FXYD4: variants seen among roughly 807,000 people sequenced by gnomAD.
The protein encoded by FXYD4 is FXYD domain-containing ion transport regulator 4.
Under a neutral mutation model 18.3 loss-of-function variants are expected in FXYD4, and 14 were observed. The ratio of observed to expected loss-of-function variants is 0.77; its 90% CI spans 0.51 to 1.20. The LOEUF (loss-of-function observed/expected upper bound fraction) is 1.20, where lower values mean the gene tolerates loss of function less well. Among genes scored for constraint, FXYD4 ranks in the 50% most tolerant of loss-of-function variants. FXYD4 has a pLI of 0.00. For missense variants in FXYD4, 99 were observed against 106.1 expected, an observed-to-expected ratio of 0.93 and a Z score of 0.29; for synonymous variants, 40 against 40.5, an observed-to-expected ratio of 0.99 and a Z score of 0.04.
intron 3 of FXYD4, among the ~76,000 whole-genome samples, 175 bp downstream of exon 3, chr10:43,373,958 C>CA (rs1244479955): frequency 6.6e-6 from 1 of 152,190 alleles, no homozygotes; most frequent in Admixed American, 6.5e-5. Flanking sequence ...GAGAATATTG[C>CA]AAAAAGGTCC....
intron 3 of FXYD4, among the ~76,000 whole-genome samples, chr10:43,374,159 T>C (rs1023151000): frequency 3.3e-5 from 5 of 152,048 alleles, no homozygotes; most frequent in African/African-American, 9.7e-5. Flanking sequence ...GATTGCACCA[T>C]TGCACTCCAG....
intron 5 of FXYD4, among the ~76,000 whole-genome samples, chr10:43,375,151 C>T (rs938060293): frequency 1.1e-4 from 17 of 151,132 alleles, no homozygotes; most frequent in Non-Finnish European, 1.6e-4. Flanking sequence ...CTCAGCCTCT[C>T]GAGTAGCTGG....
intron 5 of FXYD4, 48 bp from the exon 6 acceptor site, chr10:43,375,451 G>C (rs768140608): frequency 7.0e-7 from 1 of 1,434,712 alleles, no homozygotes; most frequent in Non-Finnish European, 9.8e-7. Flanking sequence ...TTGAATGAAT[G>C]ACTGAGGCCC....
chr10:43,375,487 T>C lies in FXYD4; in HGVS notation c.98-12T>C. The C allele has an allele frequency of 6.2e-6, 10 of 1,610,506 alleles. No individual in the cohort carries two copies. Among genetic ancestry groups the C allele is most frequent in the Non-Finnish European group, 8.5e-6 (10 of 1,176,806 alleles). ...CAGGCTGGTGCAAGCTCACTCTCTGTACCCACCCCAGACTGGAAAAACCTG... is the reference window on the plus strand; with the variant it reads ...CAGGCTGGTGCAAGCTCACTCTCTGCACCCACCCCAGACTGGAAAAACCTG... On this transcript the variant is annotated splice_polypyrimidine_tract_variant and intron_variant, in intron 5 of 8. Coordinates refer to ENST00000476166, the MANE Select transcript of FXYD4 (RefSeq NM_173160.3).
At position 43,376,187 on chromosome 10, in the gene FXYD4, G is replaced by T; in HGVS notation, c.*21G>T. The T allele has an allele frequency of 1.2e-6, 2 of 1,612,996 alleles. No homozygotes were observed. The highest frequency in any genetic ancestry group is 1.7e-6 in the Non-Finnish European group (2 of 1,179,838). On this transcript the variant is annotated 3_prime_UTR_variant, in exon 9 of 9. Transcript: ENST00000476166. Reference sequence around the variant, plus strand: ...GCTGAGCACAGGACTGGCCTCCAGGGATGGCCTGAAGCCTAACACTGGCCC... The same window carrying T: ...GCTGAGCACAGGACTGGCCTCCAGGTATGGCCTGAAGCCTAACACTGGCCC...
At chr10:43,375,651 C>G (rs766761467) in intron 6 of FXYD4, 44 bp from the exon 7 acceptor site, 1 of 1,609,278 alleles carries the variant, frequency 6.2e-7, no homozygotes, top group Non-Finnish European at 8.5e-7. Flanking sequence ...AGAGTGCTCT[C>G]ATTCCAGCAC....
intron 5 of FXYD4, among the ~76,000 whole-genome samples, chr10:43,375,021 C>CT (rs964746350): frequency 0.046 from 4,310 of 93,568 alleles, 258 homozygotes; most frequent in African/African-American, 0.087. Flanking sequence ...ATGTCCACTT[C>CT]TTTTTTTTTT....
At chr10:43,375,639 A>T in intron 6 of FXYD4, 56 bp from the exon 7 acceptor site, 1 of 1,609,798 alleles carries the variant, frequency 6.2e-7, no homozygotes, top group Non-Finnish European at 8.5e-7. Flanking sequence ...GGGCAGAAAG[A>T]GAGAGTGCTC....
In FXYD4 at chr10:43,376,194, T is replaced by G. The variant is rs748379825; in HGVS notation, c.*28T>G. On this transcript the variant is annotated 3_prime_UTR_variant, in exon 9 of 9. Transcript: ENST00000476166. The stretch of plus-strand genomic sequence containing the variant: ...ACAGGACTGGCCTCCAGGGATGGCC[T>G]GAAGCCTAACACTGGCCCCCAGCAC... 1 of 1,612,276 alleles carries G rather than the reference T, an allele frequency of 6.2e-7. No individual in the cohort carries two copies. Among genetic ancestry groups the G allele is most frequent in the Admixed American group, 1.7e-5 (1 of 60,004 alleles).
intron 5 of FXYD4, among the ~76,000 whole-genome samples, chr10:43,375,137 C>T (rs1837854393): frequency 6.6e-6 from 1 of 150,956 alleles, no homozygotes; most frequent in East Asian, 2.0e-4. Context: ...AGCAATTCTC[C>T]TGTCTCAGCC....
Position 43,375,582 on chromosome 10 carries a change from C to A in FXYD4, c.172+9C>A. The A allele has an allele frequency of 1.9e-6, 3 of 1,612,466 alleles. No homozygotes were observed. Among genetic ancestry groups the A allele is most frequent in the Admixed American group, 1.7e-5 (1 of 60,002 alleles). ...GATCGCGGCAGTTCTGAGTGAGTGG[C>A]AGGACAGGTGGGGCTGGAGGACAGG... On this transcript the variant is annotated intron_variant, in intron 6 of 8. Coordinates refer to ENST00000476166, the MANE Select transcript of FXYD4 (RefSeq NM_173160.3).
intron 3 of FXYD4, among the ~76,000 whole-genome samples, 155 bp from the exon 4 acceptor site, chr10:43,374,315 C>T (rs577210975): frequency 6.6e-6 from 1 of 152,200 alleles, no homozygotes; most frequent in Non-Finnish European, 1.5e-5. Flanking sequence ...GGCGGGGCCA[C>T]ACCCTGAGGC....
chr10:43,375,968 G>A, intron 7 of FXYD4, 64 bp from the exon 8 acceptor site: 1 of 1,550,768 alleles, frequency 6.4e-7, no homozygotes, highest in Non-Finnish European at 8.9e-7. Flanking sequence ...GCAAGAGTCT[G>A]GGATATAGGG....
intron 7 of FXYD4, 54 bp from the exon 8 acceptor site, chr10:43,375,978 G>A (rs946226857): frequency 6.3e-7 from 1 of 1,582,818 alleles, no homozygotes; most frequent in Non-Finnish European, 8.7e-7. Flanking sequence ...GGGATATAGG[G>A]GAGAAGGTCC....
intron 6 of FXYD4, 39 bp downstream of exon 6, chr10:43,375,612 G>A (rs1284596845): frequency 6.2e-7 from 1 of 1,608,868 alleles, no homozygotes; most frequent in African/African-American, 1.3e-5. Context: ...GACAGGGTGG[G>A]GCTGGCGGAC....
At position 43,376,242 on chromosome 10, in the gene FXYD4, CCTCAAGGAAGGA is replaced by C; in HGVS notation, c.*79_*90del. ...CACCTCCTCCCCTGGGAGGCCTTAT[CCTCAAGGAAGGA>C]CTTCTCTCCAAGGGCAGGCTGTTAG... On this transcript the variant is annotated 3_prime_UTR_variant, in exon 9 of 9. Coordinates refer to ENST00000476166, the MANE Select transcript of FXYD4 (RefSeq NM_173160.3). 6.5e-7 allele frequency: 1 copy of C among 1,526,998 alleles called. No individual in the cohort carries two copies. The highest frequency in any genetic ancestry group is 9.1e-7 in the Non-Finnish European group (1 of 1,104,038). 94.6% of individuals were successfully genotyped at this position (1,526,998 alleles called of 1,614,324 possible). A position where few individuals can be genotyped will look rare whatever the true frequency, so the allele number is the denominator to read the frequency against.
In FXYD4 at chr10:43,376,248, G is replaced by T; in HGVS notation, c.*82G>T. On this transcript the variant is annotated 3_prime_UTR_variant, in exon 9 of 9. Coordinates refer to ENST00000476166, the MANE Select transcript of FXYD4 (RefSeq NM_173160.3). ...CTCCCCTGGGAGGCCTTATCCTCAA[G>T]GAAGGACTTCTCTCCAAGGGCAGGC... is the stretch of plus-strand genomic sequence containing the variant. 1 of 1,486,900 alleles carries T rather than the reference G, an allele frequency of 6.7e-7. No individual in the cohort carries two copies. Among genetic ancestry groups the T allele is most frequent in the South Asian group, 1.1e-5 (1 of 88,342 alleles). 92.1% of individuals were successfully genotyped at this position (1,486,900 alleles called of 1,614,324 possible).
Position 43,371,652 on chromosome 10 carries a change from T to A in FXYD4, c.-324T>A, listed in dbSNP as rs1232376519. On this transcript the variant is annotated 5_prime_UTR_variant, in exon 1 of 9. Coordinates refer to ENST00000476166, the MANE Select transcript of FXYD4 (RefSeq NM_173160.3). Reference sequence around the variant, plus strand: ...CCCAGCAGCCTCCTCAGATCCGTTCTCTGCGCTGCCAGCTCAGGTGAGCCC... The same window carrying A: ...CCCAGCAGCCTCCTCAGATCCGTTCACTGCGCTGCCAGCTCAGGTGAGCCC... 1 of 152,024 alleles carries A rather than the reference T, an allele frequency of 6.6e-6. No homozygotes were observed. Among genetic ancestry groups the A allele is most frequent in the African/African-American group, 2.4e-5 (1 of 41,380 alleles). 9.4% of individuals were successfully genotyped at this position (152,024 alleles called of 1,614,324 possible).
rs200343815 is a variant in FXYD4, at chr10:43,375,656, C to T, written c.173-39C>T. The T allele has an allele frequency of 1.0e-4, 163 of 1,610,734 alleles. 1 individual carries two copies. Among genetic ancestry groups the T allele is most frequent in the Non-Finnish European group, 1.3e-4 (155 of 1,177,036 alleles). On this transcript the variant is annotated intron_variant, in intron 6 of 8. Transcript: ENST00000476166. Reference sequence around the variant, plus strand: ...GCAGAAAGAGAGAGTGCTCTCATTCCAGCACTGACCCTGGCGCTGACCCCT... The same window carrying T: ...GCAGAAAGAGAGAGTGCTCTCATTCTAGCACTGACCCTGGCGCTGACCCCT...
Sources: gnomAD v4.1 joint callset for allele counts (sites outside exome capture counted in the v4.1 genomes callset) on GRCh38, gnomAD v4.1.1 for gene constraint, MANE v1.5 for transcripts, NCBI Gene and HGNC (gene_info 2026-07-23, HGNC 2026-07-21) for gene names.